Variants in CEMIP observed in about 807,000 individuals in gnomAD.
CEMIP encodes the protein cell migration inducing hyaluronidase 1.
In CEMIP, 105 loss-of-function variants were observed where a neutral mutation model predicts 156.9. That is an observed-to-expected ratio of 0.67 (90% CI 0.57 to 0.79). The LOEUF (loss-of-function observed/expected upper bound fraction) is 0.79. Ranked by LOEUF, CEMIP falls within the 30% of genes least tolerant of loss-of-function variation. The pLI, the probability that CEMIP is intolerant of heterozygous loss-of-function variation, is 0.00. For synonymous variants in CEMIP, 676 were observed against 668.4 expected (o/e 1.01, Z -0.17); for missense variants, 1,457 against 1,769.4 (o/e 0.82, Z 3.17).
chr15:80,902,125 G>C (rs1480282262), intron 12 of CEMIP, among the ~76,000 whole-genome samples: 1 of 152,204 alleles, frequency 6.6e-6, no homozygotes, highest in Non-Finnish European at 1.5e-5. Flanking sequence ...GAAGGTCTTT[G>C]ATGTTTTTTC....
intron 1 of CEMIP, among the ~76,000 whole-genome samples, chr15:80,844,595 C>T (rs540282189): frequency 7.7e-4 from 118 of 152,334 alleles, no homozygotes; most frequent in African/African-American, 2.7e-3. Context: ...TTCATTTCAG[C>T]TGGGGCTCTT....
At chr15:80,862,372 T>A (rs28405983) in intron 1 of CEMIP, among the ~76,000 whole-genome samples, 14,036 of 152,192 alleles carry the variant, frequency 0.092, 2,081 homozygotes, top group African/African-American at 0.31. Context: ...GAGGAATCCC[T>A]TCATGGAAGA....
chr15:80,949,653 A>T lies in CEMIP; in HGVS notation c.*729A>T, dbSNP rs1596218742. ...TCCATGATGCTGGGTGCCCCAGCGC[A>T]CACGGGATGGAGAGGTGAGAACTAA... On this transcript the variant is annotated 3_prime_UTR_variant, in exon 30 of 30. Transcript: ENST00000394685. 6.3e-6 allele frequency: 1 copy of T among 157,706 alleles called. No homozygotes were observed. The highest frequency in any genetic ancestry group is 1.9e-4 in the East Asian group (1 of 5,348). The allele number at this position is 157,706 out of a possible 1,614,324, so 9.8% of individuals were successfully genotyped here. A position where few individuals can be genotyped will look rare whatever the true frequency, so the allele number is the denominator to read the frequency against.
intron 21 of CEMIP, 79 bp from the exon 22 acceptor site, chr15:80,931,780 T>G: frequency 6.9e-7 from 1 of 1,452,228 alleles, no homozygotes; most frequent in Non-Finnish European, 9.6e-7. Context: ...AACATGGCGT[T>G]TAGACTGACG....
At position 80,906,518 on chromosome 15, in the gene CEMIP, C is replaced by A; in HGVS notation, c.1412-145C>A. 1.3e-6 allele frequency: 1 copy of A among 773,878 alleles called. No homozygotes were observed. Among genetic ancestry groups the A allele is most frequent in the South Asian group, 1.8e-5 (1 of 54,550 alleles). 47.9% of individuals were successfully genotyped at this position (773,878 alleles called of 1,614,324 possible). On this transcript the variant is annotated intron_variant, in intron 12 of 29. Coordinates refer to ENST00000394685, the MANE Select transcript of CEMIP (RefSeq NM_001293298.2). The surrounding 1 kb of genome is among the most constrained non-coding windows in gnomAD (Gnocchi z 4.3). ...AGGCGTGTGACTTCACCTCCCTGAC[C>A]TTCATCCTTCTGTAACATGAGACCA... is the stretch of plus-strand genomic sequence containing the variant.
intron 1 of CEMIP, among the ~76,000 whole-genome samples, chr15:80,815,752 A>T (rs1896776029): frequency 1.3e-5 from 2 of 152,262 alleles, no homozygotes; most frequent in African/African-American, 4.8e-5. Flanking sequence ...AAGCCAAAGA[A>T]ATATATTTTC....
chr15:80,820,241 T>C (rs1896878575), intron 1 of CEMIP, among the ~76,000 whole-genome samples: 2 of 152,198 alleles, frequency 1.3e-5, no homozygotes, highest in African/African-American at 4.8e-5. Context: ...GTAGTGCTGC[T>C]ACCCAGACTG....
intron 1 of CEMIP, among the ~76,000 whole-genome samples, chr15:80,845,914 C>G (rs1897543110): frequency 6.6e-6 from 1 of 152,208 alleles, no homozygotes; most frequent in Non-Finnish European, 1.5e-5. Context: ...TCCCTCCATC[C>G]TCTAGATCTA....
chr15:80,858,909 T>A (rs1292989749), intron 1 of CEMIP, among the ~76,000 whole-genome samples: 1 of 152,182 alleles, frequency 6.6e-6, no homozygotes, highest in Non-Finnish European at 1.5e-5. Flanking sequence ...CATAATTGGG[T>A]CTTGGTGCTC....
rs756288191 is a variant in CEMIP at position 80,936,854 on chromosome 15, G to A, written c.3190G>A (p.Glu1064Lys). The change falls in exon 24 of 30, where the codon GAA (glutamate) becomes AAA (lysine). Residue 1064 changes from glutamate (E) to lysine (K), a missense_variant. Around this residue, in one of 5 missense-constraint regions of CEMIP, gnomAD observed 798 missense variants for 980.1 expected, o/e 0.81. Coordinates refer to ENST00000394685, the MANE Select transcript of CEMIP (RefSeq NM_001293298.2). ...CCACTGGGACCAGACGGCCCCCGCCGAACTCGCCATCTGGCTCATCAACTT... is the reference window on the plus strand; with the variant it reads ...CCACTGGGACCAGACGGCCCCCGCCAAACTCGCCATCTGGCTCATCAACTT... ...TIHWDQTAPA[E>K]LAIWLINFNK... 74 of 1,614,072 alleles carry A rather than the reference G, an allele frequency of 4.6e-5. No individual in the cohort carries two copies. Among genetic ancestry groups the A allele is most frequent in the African/African-American group, 6.7e-5 (5 of 74,940 alleles).
At chr15:80,937,162 AG>A (rs1901160025) in intron 24 of CEMIP, among the ~76,000 whole-genome samples, 1 of 152,370 alleles carries the variant, frequency 6.6e-6, no homozygotes, top group Admixed American at 6.5e-5. Context: ...GAGTGCAATG[AG>A]GACCCAAGGA....
At chr15:80,852,155 G>A (rs894880840) in intron 1 of CEMIP, among the ~76,000 whole-genome samples, 6 of 152,220 alleles carry the variant, frequency 3.9e-5, no homozygotes, top group Admixed American at 3.9e-4. Context: ...CCTTGGAACA[G>A]CAGAGTAGTG....
intron 1 of CEMIP, among the ~76,000 whole-genome samples, chr15:80,841,437 G>A (rs1156743329): frequency 6.6e-6 from 1 of 152,140 alleles, no homozygotes; most frequent in African/African-American, 2.4e-5. Context: ...TCCTTTCCCT[G>A]CTCCTCCTAA....
intron 1 of CEMIP, among the ~76,000 whole-genome samples, chr15:80,827,299 G>A (rs1486650915): frequency 6.6e-6 from 1 of 152,154 alleles, no homozygotes; most frequent in Non-Finnish European, 1.5e-5. Context: ...TGGGAGAAGG[G>A]AAACTGGCTT....
At position 80,894,142 on chromosome 15, in the gene CEMIP, G is replaced by T. The variant is rs77966304; in HGVS notation, c.1087-848G>T. On this transcript the variant is annotated intron_variant, in intron 10 of 29. Coordinates refer to ENST00000394685, the MANE Select transcript of CEMIP (RefSeq NM_001293298.2). Reference sequence around the variant, plus strand: ...CCTGGGCTGAATGCTGGGGACAAGGGGGCAAAAACCAGCTCCTTGCCCACC... The same window carrying T: ...CCTGGGCTGAATGCTGGGGACAAGGTGGCAAAAACCAGCTCCTTGCCCACC... 1.2e-3 allele frequency among the ~76,000 whole-genome samples: 183 copies of T among 152,260 alleles called. 1 individual carries two copies. The highest frequency in any genetic ancestry group is 4.1e-3 in the African/African-American group (172 of 41,538).
intron 18 of CEMIP, among the ~76,000 whole-genome samples, chr15:80,925,239 T>C (rs138368820): frequency 5.3e-5 from 8 of 152,296 alleles, no homozygotes; most frequent in African/African-American, 1.9e-4. Context: ...AGCTAAGAAG[T>C]GCTCAGAAAA....
intron 1 of CEMIP, among the ~76,000 whole-genome samples, chr15:80,838,858 G>A (rs1897323243): frequency 6.6e-6 from 1 of 152,172 alleles, no homozygotes; most frequent in South Asian, 2.1e-4. Context: ...AGCTAGGACG[G>A]GGCAGACTGA....
At chr15:80,861,517 T>C (rs1454596904) in intron 1 of CEMIP, among the ~76,000 whole-genome samples, 9 of 152,344 alleles carry the variant, frequency 5.9e-5, no homozygotes, top group South Asian at 2.1e-4. Flanking sequence ...CCTGGGACTA[T>C]GAGCCTCCCT....
At position 80,950,387 on chromosome 15, in the gene CEMIP, A is replaced by G. The variant is rs932639830; in HGVS notation, c.*1463A>G. 2.0e-5 allele frequency: 3 copies of G among 152,412 alleles called. No individual in the cohort carries two copies. Among genetic ancestry groups the G allele is most frequent in the East Asian group, 3.9e-4 (2 of 5,180 alleles). 9.4% of individuals were successfully genotyped at this position (152,412 alleles called of 1,614,324 possible). The stretch of plus-strand genomic sequence containing the variant: ...GAGGTAGCTTCTGGAAATGGGGACA[A>G]GTCCCCTCGAAGGAAAGGAAATGAC... On this transcript the variant is annotated 3_prime_UTR_variant, in exon 30 of 30. Transcript: ENST00000394685.
Sources: allele counts gnomAD v4.1 joint callset (sites outside exome capture counted in the v4.1 genomes callset), GRCh38; gene constraint gnomAD v4.1.1; regional missense constraint gnomAD v4.1.1; non-coding constraint Gnocchi (gnomAD v3.1); transcripts MANE v1.5; gene names NCBI Gene and HGNC (gene_info 2026-07-23, HGNC 2026-07-21).